GALNT2: variants seen among roughly 807,000 people sequenced by gnomAD.
The protein encoded by GALNT2 is UDP-GalNAc:polypeptide N-acetylgalactosaminyltransferase 2.
In GALNT2, 31 loss-of-function variants were observed where a neutral mutation model predicts 81.4. The observed-to-expected ratio is 0.38, with a 90% CI of 0.29 to 0.51. The LOEUF is 0.51. Ranked by LOEUF, GALNT2 falls within the 20% of genes least tolerant of loss-of-function variation. GALNT2 has a pLI of 0.87. For synonymous variants in GALNT2, 303 were observed against 287.4 expected, an observed-to-expected ratio of 1.05 and a Z score of -0.55; for missense variants, 629 against 765.7, an observed-to-expected ratio of 0.82 and a Z score of 2.11.
intron 2 of GALNT2, among the ~76,000 whole-genome samples, chr1:230,198,504 G>A (rs1250131936): frequency 6.6e-6 from 1 of 151,408 alleles, no homozygotes; most frequent in Admixed American, 6.6e-5. Context: ...ACGAGGAGTG[G>A]CAGGGGCAGG....
At chr1:230,129,924 T>C (rs1281354116) in intron 1 of GALNT2, among the ~76,000 whole-genome samples, 3 of 152,244 alleles carry the variant, frequency 2.0e-5, no homozygotes, top group African/African-American at 7.2e-5. Context: ...GAGCAGGCAT[T>C]GCTTCTGCAG....
rs1043502670 is a variant in GALNT2 at position 230,257,303 on chromosome 1, C to T, written c.1136+1959C>T. ...AACAATGGTACGAGTGCCCCCTCCA[C>T]TCTTGGAGCCAGAAGCAAGGGTCCT... On this transcript the variant is annotated intron_variant, in intron 11 of 15. Coordinates refer to ENST00000366672, the MANE Select transcript of GALNT2 (RefSeq NM_004481.5). The surrounding 1 kb of genome is among the most constrained non-coding windows in gnomAD (Gnocchi z 4.6). 1.6e-4 allele frequency among the ~76,000 whole-genome samples: 25 copies of T among 152,362 alleles called. No individual in the cohort carries two copies. Among genetic ancestry groups the T allele is most frequent in the African/African-American group, 5.5e-4 (23 of 41,578 alleles).
intron 1 of GALNT2, among the ~76,000 whole-genome samples, chr1:230,135,573 A>G (rs1433339249): frequency 1.3e-5 from 2 of 152,192 alleles, no homozygotes; most frequent in Non-Finnish European, 2.9e-5. Flanking sequence ...TCTTAATGAC[A>G]TGCACATCTT....
At chr1:230,258,430 G>A (rs1665781546) in intron 11 of GALNT2, among the ~76,000 whole-genome samples, 1 of 151,050 alleles carries the variant, frequency 6.6e-6, no homozygotes, top group Middle Eastern at 3.4e-3. Context: ...TCTCCATGTT[G>A]GCCAAACTGG....
intron 8 of GALNT2, 54 bp downstream of exon 8, chr1:230,246,204 T>G: frequency 1.6e-6 from 2 of 1,231,146 alleles, no homozygotes; most frequent in Non-Finnish European, 2.4e-6. Flanking sequence ...CACCAGCATC[T>G]GATCACCACT....
Position 230,112,690 on chromosome 1 carries a change from G to C in GALNT2, c.126+45284G>C, listed in dbSNP as rs183646183. 2.6e-3 allele frequency among the ~76,000 whole-genome samples: 388 copies of C among 151,970 alleles called. 2 individuals carry two copies. The highest frequency in any genetic ancestry group is 9.0e-3 in the African/African-American group (373 of 41,406). The stretch of plus-strand genomic sequence containing the variant: ...GATGGCGAAGGGAGGAGGAGGGAGA[G>C]GGTGGCTGAGTGGAGGAAGCGCAGT... On this transcript the variant is annotated intron_variant, in intron 1 of 15. Coordinates refer to ENST00000366672, the MANE Select transcript of GALNT2 (RefSeq NM_004481.5).
At chr1:230,241,399 G>A (rs1558156224) in intron 6 of GALNT2, among the ~76,000 whole-genome samples, 1 of 151,814 alleles carries the variant, frequency 6.6e-6, no homozygotes, top group Non-Finnish European at 1.5e-5. Flanking sequence ...AACTTCTGTA[G>A]GCTCTTTTTG....
intron 2 of GALNT2, among the ~76,000 whole-genome samples, chr1:230,198,321 A>G (rs1663771646): frequency 6.6e-6 from 1 of 152,096 alleles, no homozygotes; most frequent in African/African-American, 2.4e-5. Context: ...CGGGCAGGAC[A>G]GCAGCCCAGG....
chr1:230,227,153 A>G (rs929622006), intron 3 of GALNT2, among the ~76,000 whole-genome samples: 3 of 152,140 alleles, frequency 2.0e-5, no homozygotes, highest in African/African-American at 7.2e-5. Context: ...TATTTAAGTT[A>G]CCAAAGTCTC....
At chr1:230,176,722 T>C (rs1662991749) in intron 1 of GALNT2, among the ~76,000 whole-genome samples, 1 of 152,226 alleles carries the variant, frequency 6.6e-6, no homozygotes, top group Non-Finnish European at 1.5e-5. Flanking sequence ...AGTTTCTTTA[T>C]AGCCAAGTAA....
At chr1:230,120,232 T>G (rs559566260) in intron 1 of GALNT2, among the ~76,000 whole-genome samples, 1 of 152,192 alleles carries the variant, frequency 6.6e-6, no homozygotes, top group Non-Finnish European at 1.5e-5. Flanking sequence ...GCAGCTGGTG[T>G]TGTAAGGTTA....
At chr1:230,126,799 C>A (rs992041765) in intron 1 of GALNT2, among the ~76,000 whole-genome samples, 33 of 152,282 alleles carry the variant, frequency 2.2e-4, no homozygotes, top group African/African-American at 7.9e-4. Flanking sequence ...CCCACGTGCA[C>A]ACTTTGCTGA....
chr1:230,109,433 G>A (rs1660638380), intron 1 of GALNT2, among the ~76,000 whole-genome samples: 1 of 152,240 alleles, frequency 6.6e-6, no homozygotes, highest in Non-Finnish European at 1.5e-5. Context: ...GTTCTTGGGG[G>A]ACAGAGGTCT....
chr1:230,192,523 TG>T (rs1239555729), intron 2 of GALNT2, among the ~76,000 whole-genome samples: 1 of 152,250 alleles, frequency 6.6e-6, no homozygotes, highest in African/African-American at 2.4e-5. Context: ...GTCAAGACCA[TG>T]TACAATAGGC....
chr1:230,066,188 G>A (rs117686591), upstream of GALNT2, among the ~76,000 whole-genome samples: 47 of 152,322 alleles, frequency 3.1e-4, 2 homozygotes, highest in East Asian at 8.7e-3. Context: ...TCCTCTGACC[G>A]AGAAGCTCCT....
intron 1 of GALNT2, among the ~76,000 whole-genome samples, chr1:230,114,928 C>T (rs189423987): frequency 1.3e-5 from 2 of 151,764 alleles, no homozygotes; most frequent in East Asian, 1.9e-4. Flanking sequence ...AGTTTCCCTT[C>T]GCAAGAGTTA....
At position 230,277,263 on chromosome 1, in the gene GALNT2, C is replaced by G. The variant is rs190300067; in HGVS notation, c.1561-2040C>G. On this transcript the variant is annotated intron_variant, in intron 15 of 15. Transcript: ENST00000366672. ...TGCCTTGAAAATCTGCGCTCCCCAC[C>G]CCCAACCACAATCCCATCAGACAGA... Among the ~76,000 whole-genome samples the G allele has an allele frequency of 3.1e-4, 47 of 152,270 alleles. No individual in the cohort carries two copies. In the East Asian group the frequency reaches 8.9e-3, roughly 29 times the overall value.
At chr1:230,174,214 G>A (rs1662884893) in intron 1 of GALNT2, among the ~76,000 whole-genome samples, 1 of 152,152 alleles carries the variant, frequency 6.6e-6, no homozygotes, top group Admixed American at 6.5e-5. Flanking sequence ...GGCGTGGCTG[G>A]AACCCAAGGC....
rs1665904733 is a variant in GALNT2, at chr1:230,262,417, G to GCCAC, written c.1137-156_1137-155insCCAC. On this transcript the variant is annotated intron_variant, in intron 11 of 15. Transcript: ENST00000366672. Reference sequence around the variant, plus strand: ...ACAGGTCCAGCTCGAGGTGCTGGTGGGGACAGCCCACCCTCTGCTGTGTGC... The same window carrying GCCAC: ...ACAGGTCCAGCTCGAGGTGCTGGTGGCCACGGACAGCCCACCCTCTGCTGTGTGC... 8.0e-6 allele frequency: 5 copies of GCCAC among 624,338 alleles called. No individual in the cohort carries two copies. In the South Asian group the frequency reaches 1.0e-4, roughly 13 times the overall value. The allele number at this position is 624,338 out of a possible 1,614,324, so 38.7% of individuals were successfully genotyped here.
Sources: gnomAD v4.1 joint callset for allele counts (sites outside exome capture counted in the v4.1 genomes callset) on GRCh38, gnomAD v4.1.1 for gene constraint, Gnocchi (gnomAD v3.1) non-coding constraint, MANE v1.5 for transcripts, NCBI Gene and HGNC (gene_info 2026-07-23, HGNC 2026-07-21) for gene names.